CCDC6: variants seen among roughly 807,000 people sequenced by gnomAD.
CCDC6 encodes the protein coiled-coil domain containing 6, also known as coiled-coil domain-containing protein 6.
Under a neutral mutation model 56.6 loss-of-function variants are expected in CCDC6, and 20 were observed. The observed-to-expected ratio is 0.35, with a 90% CI of 0.25 to 0.51. The LOEUF (loss-of-function observed/expected upper bound fraction) is 0.51, where lower values mean the gene tolerates loss of function less well. Ranked by LOEUF, CCDC6 falls within the 20% of genes least tolerant of loss-of-function variation. The pLI is 0.95. For missense variants in CCDC6, 367 were observed against 601.1 expected (o/e 0.61, Z 4.07); for synonymous variants, 241 against 234.4 (o/e 1.03, Z -0.26).
At chr10:59,857,948 T>C (rs772875428) in intron 1 of CCDC6, among the ~76,000 whole-genome samples, 7 of 152,276 alleles carry the variant, frequency 4.6e-5, no homozygotes, top group Non-Finnish European at 1.0e-4. Context: ...AAACTGTCCT[T>C]TCCTAGGTAT....
intron 3 of CCDC6, among the ~76,000 whole-genome samples, chr10:59,820,021 C>A (rs2132636156): frequency 6.6e-6 from 1 of 152,206 alleles, no homozygotes; most frequent in South Asian, 2.1e-4. Flanking sequence ...ATTATGTTCC[C>A]AAAATAAATT....
rs978362027 is a variant in CCDC6 at position 59,792,169 on chromosome 10, T to C, written c.*748A>G. 17 of 240,656 alleles carry C rather than the reference T, an allele frequency of 7.1e-5. No individual in the cohort carries two copies. Among genetic ancestry groups the C allele is most frequent in the Admixed American group, 1.0e-4 (2 of 20,100 alleles). The allele number at this position is 240,656 out of a possible 1,614,324, so 14.9% of individuals were successfully genotyped here. A position where few individuals can be genotyped will look rare whatever the true frequency, so the allele number is the denominator to read the frequency against. ...GAGTAGGACAACATTTATCGACTCA[T>C]GTTAGAGGGGGCCAGGTTAAGTAGA... On this transcript the variant is annotated 3_prime_UTR_variant, in exon 9 of 9. Transcript: ENST00000263102.
At chr10:59,852,913 C>T (rs2071051175) in intron 1 of CCDC6, among the ~76,000 whole-genome samples, 1 of 152,138 alleles carries the variant, frequency 6.6e-6, no homozygotes, top group African/African-American at 2.4e-5. Context: ...TGCCAAAGAG[C>T]CCCCCTTTAC....
At chr10:59,828,169 C>T (rs1437326395) in intron 3 of CCDC6, among the ~76,000 whole-genome samples, 3 of 152,162 alleles carry the variant, frequency 2.0e-5, no homozygotes, top group African/African-American at 7.2e-5. Flanking sequence ...CTTACCATTA[C>T]CTAAGAAAAT....
chr10:59,844,710 C>A (rs2070974556), intron 2 of CCDC6, among the ~76,000 whole-genome samples: 1 of 141,816 alleles, frequency 7.1e-6, no homozygotes, highest in African/African-American at 2.6e-5. Context: ...TGCAGTGAGC[C>A]AAGATCATGC....
intron 4 of CCDC6, among the ~76,000 whole-genome samples, chr10:59,813,971 T>C (rs549181959): frequency 1.2e-4 from 19 of 152,182 alleles, no homozygotes; most frequent in Non-Finnish European, 2.5e-4. Context: ...TGACCATTTT[T>C]AAGAAACTCA....
intron 2 of CCDC6, among the ~76,000 whole-genome samples, chr10:59,846,202 G>A (rs1422234509): frequency 1.3e-5 from 2 of 152,302 alleles, no homozygotes; most frequent in Middle Eastern, 6.8e-3. Context: ...ATGGTATTAG[G>A]AGAAACCACT....
chr10:59,829,793 T>G (rs2070819988), intron 3 of CCDC6, among the ~76,000 whole-genome samples: 1 of 152,224 alleles, frequency 6.6e-6, no homozygotes, highest in African/African-American at 2.4e-5. Context: ...GGTTTCATTT[T>G]GAGTTCACAA....
chr10:59,797,683 TTGTGTG>T (rs72280811), intron 7 of CCDC6, among the ~76,000 whole-genome samples: 5 of 140,528 alleles, frequency 3.6e-5, no homozygotes, highest in Admixed American at 7.3e-5. Flanking sequence ...AGTGAGAGTG[TTGTGTG>T]TGTGTGTGTG....
chr10:59,882,930 A>G (rs1716167256), intron 1 of CCDC6, among the ~76,000 whole-genome samples: 1 of 152,116 alleles, frequency 6.6e-6, no homozygotes, highest in South Asian at 2.1e-4. Flanking sequence ...ACTGCACTCC[A>G]GCCTGGGCGA....
intron 1 of CCDC6, among the ~76,000 whole-genome samples, chr10:59,900,185 G>A (rs557879839): frequency 4.6e-5 from 7 of 152,204 alleles, no homozygotes; most frequent in East Asian, 1.9e-4. Flanking sequence ...CTCGATAGTC[G>A]AGTGTCAGTG....
At position 59,808,784 on chromosome 10, in the gene CCDC6, T is replaced by C. The variant is rs77415125; in HGVS notation, c.848-1706A>G. The stretch of plus-strand genomic sequence containing the variant: ...CAAATTAGTTTCAGTTTTAAGCAAC[T>C]CTACAAAGGTCTGGCATTTTAGCCA... On this transcript the variant is annotated intron_variant, in intron 5 of 8. Transcript: ENST00000263102. Among the ~76,000 whole-genome samples, 224 of 152,338 alleles carry C rather than the reference T, an allele frequency of 1.5e-3. 2 individuals are homozygous for C. Among genetic ancestry groups the C allele is most frequent in the African/African-American group, 5.0e-3 (208 of 41,582 alleles).
chr10:59,872,330 C>T (rs1319167218), intron 1 of CCDC6, among the ~76,000 whole-genome samples: 2 of 152,208 alleles, frequency 1.3e-5, no homozygotes, highest in African/African-American at 4.8e-5. Flanking sequence ...GATTCCCCAA[C>T]CTTGGGTATC....
intron 1 of CCDC6, among the ~76,000 whole-genome samples, chr10:59,876,156 C>T (rs1473509409): frequency 2.8e-5 from 4 of 141,274 alleles, no homozygotes; most frequent in Non-Finnish European, 4.5e-5. Context: ...TCAAGTGATT[C>T]TCCTGCCTCA....
At chr10:59,882,096 G>GGGGAGAAGGAAAGGAAAGCCGGC (rs2071344191) in intron 1 of CCDC6, among the ~76,000 whole-genome samples, 1 of 18,838 alleles carries the variant, frequency 5.3e-5, no homozygotes, top group Non-Finnish European at 9.3e-5. Context: ...GGAAAGCCGG[G>GGGGAGAAGGAAAGGAAAGCCGGC]GGGAGAAGGA....
chr10:59,790,610 C>T lies in CCDC6; in HGVS notation c.*2307G>A, dbSNP rs1308311091. ...TTCAAAAGAGTAGTGTTTGTTCTAT[C>T]AGTTCTGAATGTCCACAGGGAGAGG... On this transcript the variant is annotated 3_prime_UTR_variant, in exon 9 of 9. Coordinates refer to ENST00000263102, the MANE Select transcript of CCDC6 (RefSeq NM_005436.5). 4.5e-6 allele frequency: 1 copy of T among 221,562 alleles called. No individual in the cohort carries two copies. The highest frequency in any genetic ancestry group is 5.8e-5 in the Admixed American group (1 of 17,286). The allele number at this position is 221,562 out of a possible 1,614,324, so 13.7% of individuals were successfully genotyped here. A position where few individuals can be genotyped will look rare whatever the true frequency, so the allele number is the denominator to read the frequency against.
intron 1 of CCDC6, among the ~76,000 whole-genome samples, chr10:59,891,460 G>A (rs1425710034): frequency 6.6e-6 from 1 of 152,202 alleles, no homozygotes; most frequent in Non-Finnish European, 1.5e-5. Flanking sequence ...CTTATGGAAA[G>A]CAGTAAAGCC....
chr10:59,810,362 C>G (rs1476561525), intron 5 of CCDC6, among the ~76,000 whole-genome samples: 1 of 152,206 alleles, frequency 6.6e-6, no homozygotes, highest in Non-Finnish European at 1.5e-5. Context: ...ATAGCACTTA[C>G]AAATGCCTCT....
At chr10:59,902,868 C>T (rs536516104) in intron 1 of CCDC6, among the ~76,000 whole-genome samples, 1 of 152,244 alleles carries the variant, frequency 6.6e-6, no homozygotes, top group African/African-American at 2.4e-5. Flanking sequence ...CAGACAAAAC[C>T]CTTCATATGA....
Sources: allele counts gnomAD v4.1 joint callset (sites outside exome capture counted in the v4.1 genomes callset), GRCh38; gene constraint gnomAD v4.1.1; transcripts MANE v1.5; gene names NCBI Gene and HGNC (gene_info 2026-07-23, HGNC 2026-07-21).